Variants in PCDH9 observed in about 807,000 individuals in gnomAD.
PCDH9 encodes the protein protocadherin 9.
In PCDH9, 24 loss-of-function variants were observed where a neutral mutation model predicts 70.6. That is an observed-to-expected ratio of 0.34 (90% CI 0.25 to 0.48). PCDH9 has a LOEUF of 0.48. PCDH9 is among the 20% of genes least tolerant of loss of function. The probability of loss-of-function intolerance (pLI) is 0.99; values close to 1 mark genes in which losing one functional copy is unlikely to be tolerated. For synonymous variants in PCDH9, 562 were observed against 558.5 expected, an observed-to-expected ratio of 1.01 and a Z score of -0.09; for missense variants, 1,281 against 1,503.6, an observed-to-expected ratio of 0.85 and a Z score of 2.45.
chr13:66,355,425 T>G (rs570564973), intron 4 of PCDH9, among the ~76,000 whole-genome samples: 1 of 152,062 alleles, frequency 6.6e-6, no homozygotes, highest in Admixed American at 6.6e-5. Flanking sequence ...TCCTTTTCAT[T>G]GTCTGTTTAG....
chr13:66,470,197 T>C (rs1242547279), intron 4 of PCDH9, among the ~76,000 whole-genome samples: 1 of 152,088 alleles, frequency 6.6e-6, no homozygotes, highest in East Asian at 1.9e-4. Context: ...CTAGTTTGAA[T>C]TGTGACATCT....
chr13:66,770,805 T>C (rs1371913866), intron 3 of PCDH9, among the ~76,000 whole-genome samples: 1 of 152,238 alleles, frequency 6.6e-6, no homozygotes, highest in Non-Finnish European at 1.5e-5. Context: ...ATCCACATTT[T>C]TGTCTCTTCA....
chr13:66,894,459 AT>A (rs907214655), intron 3 of PCDH9, among the ~76,000 whole-genome samples: 2 of 152,016 alleles, frequency 1.3e-5, no homozygotes, highest in Non-Finnish European at 1.5e-5. Context: ...TAGCTGCATA[AT>A]TTTTTTTATT....
intron 3 of PCDH9, among the ~76,000 whole-genome samples, chr13:66,715,065 TAGTATTTTTGA>T (rs1475174201): frequency 1.3e-5 from 2 of 152,124 alleles, no homozygotes; most frequent in East Asian, 3.9e-4. Context: ...GATAAAAAAT[TAGTATTTTTGA>T]GCAGAGAATA....
chr13:66,571,692 G>A (rs765061469), intron 4 of PCDH9, among the ~76,000 whole-genome samples: 2 of 152,062 alleles, frequency 1.3e-5, no homozygotes, highest in African/African-American at 2.4e-5. Flanking sequence ...TTATGAGATA[G>A]TAAGTTGATT....
intron 3 of PCDH9, among the ~76,000 whole-genome samples, chr13:66,780,082 A>G (rs917262587): frequency 6.6e-6 from 1 of 151,872 alleles, no homozygotes; most frequent in African/African-American, 2.4e-5. Flanking sequence ...GATTCATTGT[A>G]AACAATTATG....
chr13:66,556,919 G>A (rs1459133476), intron 4 of PCDH9, among the ~76,000 whole-genome samples: 1 of 152,076 alleles, frequency 6.6e-6, no homozygotes, highest in East Asian at 1.9e-4. Flanking sequence ...TGGCAGCTAT[G>A]TTATATTATT....
intron 3 of PCDH9, among the ~76,000 whole-genome samples, chr13:66,724,664 A>T (rs774332904): frequency 6.6e-6 from 1 of 152,040 alleles, no homozygotes; most frequent in Non-Finnish European, 1.5e-5. Context: ...CCCATCCCTC[A>T]CCTTTCCAAC....
chr13:66,376,172 CCATAT>C (rs1956743238), intron 4 of PCDH9, among the ~76,000 whole-genome samples: 1 of 152,010 alleles, frequency 6.6e-6, no homozygotes, highest in South Asian at 2.1e-4. Context: ...GCACCTTAAC[CCATAT>C]CATAATACAG....
At chr13:66,518,432 C>T (rs1158405960) in intron 4 of PCDH9, among the ~76,000 whole-genome samples, 1 of 152,030 alleles carries the variant, frequency 6.6e-6, no homozygotes, top group Non-Finnish European at 1.5e-5. Context: ...CACAATGAGA[C>T]AATACTTTTA....
At chr13:66,508,513 A>G (rs562481115) in intron 4 of PCDH9, among the ~76,000 whole-genome samples, 1 of 152,328 alleles carries the variant, frequency 6.6e-6, no homozygotes, top group South Asian at 2.1e-4. Context: ...ACTAGTAATC[A>G]TAATACCAAA....
intron 2 of PCDH9, among the ~76,000 whole-genome samples, chr13:66,979,379 A>C (rs1340477549): frequency 2.0e-5 from 3 of 152,158 alleles, no homozygotes; most frequent in Non-Finnish European, 4.4e-5. Context: ...AAAGTCTGTA[A>C]ATCTACATGG....
intron 2 of PCDH9, among the ~76,000 whole-genome samples, chr13:67,026,720 A>C (rs12861499): frequency 6.6e-6 from 1 of 152,102 alleles, no homozygotes; most frequent in Non-Finnish European, 1.5e-5. Context: ...GCAAAGTCTC[A>C]GGATACAAAA....
chr13:66,965,383 T>C lies in PCDH9; in HGVS notation c.3037-61778A>G, dbSNP rs77219168. 1.2e-4 allele frequency among the ~76,000 whole-genome samples: 19 copies of C among 152,142 alleles called. No individual in the cohort carries two copies. The East Asian group carries it at 3.1e-3, about 25-fold the overall frequency. On this transcript the variant is annotated intron_variant, in intron 2 of 4. Coordinates refer to ENST00000377865, the MANE Select transcript of PCDH9 (RefSeq NM_203487.3). ...ATTTCCTTCCTCCAGGCATTTCCCT[T>C]CCCCCAGGATTTTCCCTTAATTTAT... is the stretch of plus-strand genomic sequence containing the variant.
intron 3 of PCDH9, among the ~76,000 whole-genome samples, chr13:66,696,477 T>G (rs1566511420): frequency 1.3e-5 from 2 of 152,294 alleles, no homozygotes; most frequent in South Asian, 2.1e-4. Context: ...AAAGAAATCT[T>G]CTCTAACCTT....
At chr13:66,735,028 C>T (rs938476976) in intron 3 of PCDH9, among the ~76,000 whole-genome samples, 1 of 152,100 alleles carries the variant, frequency 6.6e-6, no homozygotes, top group East Asian at 1.9e-4. Flanking sequence ...TGTTAAAATA[C>T]GAGGAATAGC....
chr13:66,404,708 T>A (rs1437712755), intron 4 of PCDH9, among the ~76,000 whole-genome samples: 1 of 152,168 alleles, frequency 6.6e-6, no homozygotes, highest in East Asian at 1.9e-4. Flanking sequence ...GTATGCTGTT[T>A]TAGTGCATTT....
chr13:66,906,983 A>T (rs914662345), intron 2 of PCDH9, among the ~76,000 whole-genome samples: 2 of 152,150 alleles, frequency 1.3e-5, no homozygotes, highest in African/African-American at 4.8e-5. Context: ...AGGTGGGCGG[A>T]TCACCTGTGG....
rs1288207230 is a variant in PCDH9, at chr13:66,303,939, G to A, written c.*716C>T. ...TAAACACAAGTGCTTGAGATTGTTTGAACAATGTGTGTCAAGACAGACTAC... is the reference window on the plus strand; with the variant it reads ...TAAACACAAGTGCTTGAGATTGTTTAAACAATGTGTGTCAAGACAGACTAC... On this transcript the variant is annotated 3_prime_UTR_variant, in exon 5 of 5. Transcript: ENST00000377865. 1 of 152,002 alleles carries A rather than the reference G, an allele frequency of 6.6e-6. No individual in the cohort carries two copies. Among genetic ancestry groups the A allele is most frequent in the African/African-American group, 2.4e-5 (1 of 41,374 alleles). 9.4% of individuals were successfully genotyped at this position (152,002 alleles called of 1,614,324 possible). A position where few individuals can be genotyped will look rare whatever the true frequency, so the allele number is the denominator to read the frequency against.
Sources: gnomAD v4.1 joint callset for allele counts (sites outside exome capture counted in the v4.1 genomes callset) on GRCh38, gnomAD v4.1.1 for gene constraint, MANE v1.5 for transcripts, NCBI Gene and HGNC (gene_info 2026-07-23, HGNC 2026-07-21) for gene names.